CRLF3: variants seen among roughly 807,000 people sequenced by gnomAD.
The protein encoded by CRLF3 is cytokine receptor like factor 3.
Under a neutral mutation model 55.0 loss-of-function variants are expected in CRLF3, and 33 were observed. The ratio of observed to expected loss-of-function variants is 0.60; its 90% CI spans 0.46 to 0.80. CRLF3 has a LOEUF of 0.80. CRLF3 is among the 30% of genes least tolerant of loss of function. The pLI is 0.00. For missense variants in CRLF3, 494 were observed against 538.4 expected (o/e 0.92, Z 0.82); for synonymous variants, 238 against 196.8 (o/e 1.21, Z -1.75).
intron 6 of CRLF3, among the ~76,000 whole-genome samples, chr17:30,789,229 G>T (rs1971726887): frequency 6.6e-6 from 1 of 152,208 alleles, no homozygotes; most frequent in East Asian, 1.9e-4. Flanking sequence ...TTTAGGAGAT[G>T]CAAGAGAGAC....
Position 30,784,126 on chromosome 17 carries a change from C to G in CRLF3, c.*61G>C. The G allele has an allele frequency of 6.8e-7, 1 of 1,471,488 alleles. No individual in the cohort carries two copies. The highest frequency in any genetic ancestry group is 1.3e-5 in the South Asian group (1 of 75,760). 91.2% of individuals were successfully genotyped at this position (1,471,488 alleles called of 1,614,324 possible). A position where few individuals can be genotyped will look rare whatever the true frequency, so the allele number is the denominator to read the frequency against. The stretch of plus-strand genomic sequence containing the variant: ...AACTTTTTTTTTAAAGCAATTACAA[C>G]TACGCTGGGCTGAGGACAGCTACGT... On this transcript the variant is annotated 3_prime_UTR_variant, in exon 8 of 8. Coordinates refer to ENST00000324238, the MANE Select transcript of CRLF3 (RefSeq NM_015986.4).
At chr17:30,818,777 G>A (rs77089056) in intron 1 of CRLF3, among the ~76,000 whole-genome samples, 2,740 of 149,078 alleles carry the variant, frequency 0.018, 80 homozygotes, top group African/African-American at 0.062. Flanking sequence ...TCTTTGCTAA[G>A]CTACTGAGAC....
chr17:30,805,756 C>G (rs1904381460), intron 1 of CRLF3, among the ~76,000 whole-genome samples: 1 of 150,478 alleles, frequency 6.6e-6, no homozygotes. Context: ...GGTGCAGTGG[C>G]TCACACCTAT....
chr17:30,785,836 A>T, intron 7 of CRLF3, 83 bp downstream of exon 7: 1 of 729,960 alleles, frequency 1.4e-6, no homozygotes, highest in Non-Finnish European at 2.3e-6. Flanking sequence ...CTCCTACTAT[A>T]AATGTATGGA....
intron 1 of CRLF3, chr17:30,810,039 C>T (rs1285931823): frequency 6.6e-6 from 1 of 152,184 alleles, no homozygotes; most frequent in Non-Finnish European, 1.5e-5. Flanking sequence ...GTAGTATTTC[C>T]TGTCCCTGTG....
Position 30,823,508 on chromosome 17 carries a change from G to C in CRLF3, c.129+1015C>G, listed in dbSNP as rs114971090. Reference sequence around the variant, plus strand: ...CACAGCACTTTTCTACCATTTTCAGGTTATATGCAGCAAGGAAGTGCTAAG... The same window carrying C: ...CACAGCACTTTTCTACCATTTTCAGCTTATATGCAGCAAGGAAGTGCTAAG... On this transcript the variant is annotated intron_variant, in intron 1 of 7. Transcript: ENST00000324238. Among the ~76,000 whole-genome samples, 822 of 150,502 alleles carry C rather than the reference G, an allele frequency of 5.5e-3. 10 individuals are homozygous for C. Among genetic ancestry groups the C allele is most frequent in the African/African-American group, 0.019 (792 of 40,888 alleles).
At chr17:30,811,348 G>A (rs1057410943) in intron 1 of CRLF3, among the ~76,000 whole-genome samples, 1 of 151,250 alleles carries the variant, frequency 6.6e-6, no homozygotes, top group Non-Finnish European at 1.5e-5. Flanking sequence ...CCAGCTACTC[G>A]GAGGCTGAGG....
Position 30,793,551 on chromosome 17 carries a change from T to C in CRLF3, c.725A>G (p.Asn242Ser). 6.2e-7 allele frequency: 1 copy of C among 1,614,128 alleles called. No individual in the cohort carries two copies. Among genetic ancestry groups the C allele is most frequent in the Non-Finnish European group, 8.5e-7 (1 of 1,180,020 alleles). The change falls in exon 5 of 8, where the codon AAC becomes AGC. Residue 242 changes from asparagine to serine, a missense_variant. By Grantham distance (46) the Asn-to-Ser change is conservative. Coordinates refer to ENST00000324238, the MANE Select transcript of CRLF3 (RefSeq NM_015986.4). ...GCAGACTCTGAACTGGTAATCAACG[T>C]TGGGGTCTATGTGCAATACTATGAA... is the stretch of plus-strand genomic sequence containing the variant. ...TEFIVLHIDP[N>S]VDYQFRVCAR...
chr17:30,788,325 C>CAAAA (rs780693808), intron 6 of CRLF3, among the ~76,000 whole-genome samples: 13,521 of 117,734 alleles, frequency 0.11, 707 homozygotes, highest in South Asian at 0.24. Flanking sequence ...GACTTTGTCT[C>CAAAA]AAAAAAAAAA....
chr17:30,796,387 A>G (rs756023902), intron 3 of CRLF3, 50 bp from the exon 4 acceptor site: 1 of 1,402,406 alleles, frequency 7.1e-7, no homozygotes, highest in Non-Finnish European at 9.7e-7. Flanking sequence ...GAGAGTTAAA[A>G]AATACAAGAA....
chr17:30,795,139 GAA>G (rs1971891385), intron 4 of CRLF3, among the ~76,000 whole-genome samples: 1 of 152,028 alleles, frequency 6.6e-6, no homozygotes, highest in East Asian at 1.9e-4. Flanking sequence ...AGTCCTGTTA[GAA>G]AATAACAACA....
intron 4 of CRLF3, among the ~76,000 whole-genome samples, chr17:30,795,451 G>A (rs1014187699): frequency 3.3e-5 from 5 of 149,828 alleles, no homozygotes; most frequent in Non-Finnish European, 4.4e-5. Context: ...AGCCAAGATC[G>A]TGCCATTGTA....
In CRLF3 at chr17:30,783,885, T is replaced by C. The variant is rs1971565628; in HGVS notation, c.*302A>G. The C allele has an allele frequency of 4.1e-6, 1 of 241,042 alleles. No homozygotes were observed. The highest frequency in any genetic ancestry group is 8.0e-6 in the Non-Finnish European group (1 of 124,908). 14.9% of individuals were successfully genotyped at this position (241,042 alleles called of 1,614,324 possible). On this transcript the variant is annotated 3_prime_UTR_variant, in exon 8 of 8. Transcript: ENST00000324238. ...AGTTTTCCTGGTCTAATAACCAACT[T>C]TGAGAAGTACAGTGGAAGGGTATAG...
chr17:30,804,925 G>A (rs914563631), intron 1 of CRLF3, among the ~76,000 whole-genome samples: 1 of 152,156 alleles, frequency 6.6e-6, no homozygotes, highest in Non-Finnish European at 1.5e-5. Flanking sequence ...CCTCATGCCT[G>A]TAATCCCAGC....
intron 4 of CRLF3, 67 bp downstream of exon 4, chr17:30,796,093 A>C: frequency 2.5e-6 from 3 of 1,183,272 alleles, no homozygotes; most frequent in Non-Finnish European, 3.5e-6. Flanking sequence ...CAACGAAAAA[A>C]TCTGAAAGGC....
At chr17:30,814,070 A>C (rs1443032884) in intron 1 of CRLF3, among the ~76,000 whole-genome samples, 1 of 152,054 alleles carries the variant, frequency 6.6e-6, no homozygotes, top group Non-Finnish European at 1.5e-5. Context: ...CAGCCTGGCC[A>C]ACACAGTGAA....
rs982089069 is a variant in CRLF3, at chr17:30,792,555, C to G, written c.844G>C (p.Glu282Gln). Residue 282 changes from glutamate to glutamine, a missense_variant, in exon 6 of 8, where the codon GAG becomes CAG. By Grantham distance (29) the Glu-to-Gln change is conservative. Coordinates refer to ENST00000324238, the MANE Select transcript of CRLF3 (RefSeq NM_015986.4). ...CTTCGACTGCTCAGACTGTACCCCT[C>G]AAAACCAGCTGTCCACTCTTTTTCA... ...LVPHEWTAGF[E>Q]GYSLSSRRNI... 1.9e-6 allele frequency: 3 copies of G among 1,601,874 alleles called. No individual in the cohort carries two copies. The highest frequency in any genetic ancestry group is 1.7e-5 in the Admixed American group (1 of 59,854).
intron 5 of CRLF3, 85 bp from the exon 6 acceptor site, chr17:30,792,657 T>C: frequency 7.9e-7 from 1 of 1,272,106 alleles, no homozygotes; most frequent in East Asian, 2.4e-5. Context: ...AACATGGAAA[T>C]GGGAGACTAC....
chr17:30,798,223 C>G (rs1035790013), intron 2 of CRLF3, among the ~76,000 whole-genome samples: 6 of 151,806 alleles, frequency 4.0e-5, no homozygotes, highest in Non-Finnish European at 8.8e-5. Context: ...ACTAAAAATA[C>G]AAAAATTAGT....
Sources: gnomAD v4.1 joint callset for allele counts (sites outside exome capture counted in the v4.1 genomes callset) on GRCh38, gnomAD v4.1.1 for gene constraint, MANE v1.5 for transcripts, NCBI Gene and HGNC (gene_info 2026-07-23, HGNC 2026-07-21) for gene names.